Variants in ATP2C2 observed in about 807,000 individuals in gnomAD.
ATP2C2 encodes the protein calcium-transporting ATPase type 2C member 2.
A neutral mutation model predicts 110.8 loss-of-function variants in ATP2C2; 171 were observed. The ratio of observed to expected loss-of-function variants is 1.54; its 90% CI spans 1.36 to 1.75. The LOEUF (loss-of-function observed/expected upper bound fraction) is 1.75. Among genes scored for constraint, ATP2C2 ranks in the 40% most tolerant of loss-of-function variants. ATP2C2 has a pLI of 0.00. For missense variants in ATP2C2, 1,963 were observed against 1,235.0 expected (o/e 1.59, Z -8.84); for synonymous variants, 804 against 508.4 (o/e 1.58, Z -7.82).
chr16:84,410,977 C>G lies in ATP2C2; in HGVS notation c.515+212C>G. 5.1e-6 allele frequency: 3 copies of G among 591,800 alleles called. No homozygotes were observed. The Admixed American group carries it at 8.4e-5, about 17-fold the overall frequency. 36.7% of individuals were successfully genotyped at this position (591,800 alleles called of 1,614,324 possible). A position where few individuals can be genotyped will look rare whatever the true frequency, so the allele number is the denominator to read the frequency against. On this transcript the variant is annotated intron_variant, in intron 6 of 26. Transcript: ENST00000262429. ...CAACCTCTCTGGGCCTCAGCTCCAT[C>G]ATCAGTGTCTAAATCAGGGTGCCTA...
chr16:84,370,495 G>A (rs1265139667), intron 1 of ATP2C2, among the ~76,000 whole-genome samples: 1 of 152,150 alleles, frequency 6.6e-6, no homozygotes, highest in Non-Finnish European at 1.5e-5. Flanking sequence ...GTGTGAGGAG[G>A]GAGGGAGGTG....
chr16:84,421,867 G>C (rs1269651888), intron 7 of ATP2C2, among the ~76,000 whole-genome samples: 1 of 152,182 alleles, frequency 6.6e-6, no homozygotes, highest in African/African-American at 2.4e-5. Flanking sequence ...GCTGCGCACA[G>C]GGCCTGGTGT....
At position 84,432,865 on chromosome 16, in the gene ATP2C2, G is replaced by C. The variant is rs558949913; in HGVS notation, c.987-6301G>C. ...AGCTCTCAAGGGTGCTAACACAGGT[G>C]GTCCAGGGAGCACCCTCTGAGCGTG... is the stretch of plus-strand genomic sequence containing the variant. On this transcript the variant is annotated intron_variant, in intron 11 of 26. Coordinates refer to ENST00000262429, the MANE Select transcript of ATP2C2 (RefSeq NM_014861.4). Among the ~76,000 whole-genome samples the C allele has an allele frequency of 4.9e-4, 74 of 152,202 alleles. 1 individual carries two copies. The highest frequency in any genetic ancestry group is 1.8e-3 in the African/African-American group (73 of 41,524).
intron 11 of ATP2C2, among the ~76,000 whole-genome samples, chr16:84,429,361 T>C (rs936498181): frequency 1.6e-4 from 25 of 152,138 alleles, no homozygotes; most frequent in Non-Finnish European, 5.9e-5. Context: ...CCATGTTGGC[T>C]AGGCTGGTCT....
At chr16:84,459,655 A>G in intron 23 of ATP2C2, 1 of 1,386,122 alleles carries the variant, frequency 7.2e-7, no homozygotes, top group East Asian at 2.5e-5. Context: ...TGCATGGCTC[A>G]TTCTCATGCT....
intron 11 of ATP2C2, among the ~76,000 whole-genome samples, chr16:84,430,800 G>T (rs1466622175): frequency 6.6e-6 from 1 of 151,968 alleles, no homozygotes; most frequent in Non-Finnish European, 1.5e-5. Flanking sequence ...TTACAGATTG[G>T]GAAACAGGCT....
In ATP2C2 at chr16:84,404,964, C is replaced by G. The variant is rs764273216; in HGVS notation, c.211-164C>G. On this transcript the variant is annotated intron_variant, in intron 2 of 26. Transcript: ENST00000262429. Reference sequence around the variant, plus strand: ...TTGTGCCTTTTCCTCCTCTCTCTGCCCCATCTGCACGGGGTCTTTGAACAA... The same window carrying G: ...TTGTGCCTTTTCCTCCTCTCTCTGCGCCATCTGCACGGGGTCTTTGAACAA... 5.5e-6 allele frequency: 4 copies of G among 726,068 alleles called. No homozygotes were observed. In the African/African-American group the frequency reaches 6.9e-5, roughly 13 times the overall value. 45.0% of individuals were successfully genotyped at this position (726,068 alleles called of 1,614,324 possible). A position where few individuals can be genotyped will look rare whatever the true frequency, so the allele number is the denominator to read the frequency against.
intron 7 of ATP2C2, among the ~76,000 whole-genome samples, chr16:84,421,566 C>T (rs1907341491): frequency 1.3e-5 from 2 of 152,086 alleles, no homozygotes; most frequent in Non-Finnish European, 2.9e-5. Context: ...CCCACCCAGC[C>T]CCGCTTTATG....
At chr16:84,447,732 ATTAG>A (rs1469161250) in intron 16 of ATP2C2, among the ~76,000 whole-genome samples, 55 of 146,228 alleles carry the variant, frequency 3.8e-4, no homozygotes, top group East Asian at 2.1e-3. Flanking sequence ...ATAAGAATAT[ATTAG>A]TTATATATAA....
intron 16 of ATP2C2, 141 bp downstream of exon 16, chr16:84,446,571 C>T (rs1271890568): frequency 9.5e-6 from 5 of 526,232 alleles, no homozygotes; most frequent in Non-Finnish European, 9.9e-6. Flanking sequence ...AAAACTTAAT[C>T]ACCATCATAC....
At chr16:84,408,900 C>G (rs376099555) in intron 4 of ATP2C2, among the ~76,000 whole-genome samples, 4 of 152,090 alleles carry the variant, frequency 2.6e-5, no homozygotes, top group South Asian at 2.1e-4. Context: ...AAAATATTGA[C>G]TATTTCACAG....
intron 17 of ATP2C2, among the ~76,000 whole-genome samples, chr16:84,450,343 C>A (rs536313210): frequency 6.6e-6 from 1 of 152,074 alleles, no homozygotes; most frequent in Non-Finnish European, 1.5e-5. Context: ...GGACAGTGCC[C>A]GAGTGACTTA....
At chr16:84,381,166 C>T (rs13331051) in intron 1 of ATP2C2, among the ~76,000 whole-genome samples, 3 of 151,996 alleles carry the variant, frequency 2.0e-5, no homozygotes, top group South Asian at 4.2e-4. Flanking sequence ...GGTGAAGTTA[C>T]GTTTTGCGTG....
At position 84,409,982 on chromosome 16, in the gene ATP2C2, G is replaced by A. The variant is rs149534217; in HGVS notation, c.418-586G>A. On this transcript the variant is annotated intron_variant, in intron 4 of 26. Coordinates refer to ENST00000262429, the MANE Select transcript of ATP2C2 (RefSeq NM_014861.4). ...CCCAGCACTTTGGGAGGCCTGGGGG[G>A]TGGATCACGAGGTCAGGAGATCGAG... is the stretch of plus-strand genomic sequence containing the variant. 3.2e-3 allele frequency among the ~76,000 whole-genome samples: 493 copies of A among 152,254 alleles called. 1 individual carries two copies. The highest frequency in any genetic ancestry group is 0.011 in the African/African-American group (473 of 41,540).
chr16:84,453,421 G>T (rs1349138719), intron 20 of ATP2C2, 50 bp downstream of exon 20: 2 of 1,609,092 alleles, frequency 1.2e-6, no homozygotes, highest in East Asian at 4.5e-5. Flanking sequence ...CCGGGCCAGA[G>T]ACACTGTGGC....
intron 11 of ATP2C2, among the ~76,000 whole-genome samples, chr16:84,434,526 T>C (rs1908571264): frequency 6.6e-6 from 1 of 151,938 alleles, no homozygotes; most frequent in Non-Finnish European, 1.5e-5. Flanking sequence ...TGTTTTGCTT[T>C]TGTTTTTTTG....
intron 11 of ATP2C2, among the ~76,000 whole-genome samples, chr16:84,433,724 G>A (rs1315380611): frequency 3.9e-5 from 6 of 152,008 alleles, no homozygotes; most frequent in Admixed American, 3.9e-4. Flanking sequence ...CAATAATGGT[G>A]CATCCAATCC....
intron 7 of ATP2C2, among the ~76,000 whole-genome samples, chr16:84,419,804 G>T (rs938525687): frequency 6.6e-6 from 1 of 152,154 alleles, no homozygotes; most frequent in African/African-American, 2.4e-5. Context: ...AGCCCAGAGT[G>T]ACAGACTGAC....
chr16:84,448,369 T>C (rs1909949939), intron 16 of ATP2C2, among the ~76,000 whole-genome samples, 164 bp from the exon 17 acceptor site: 1 of 152,198 alleles, frequency 6.6e-6, no homozygotes, highest in East Asian at 1.9e-4. Flanking sequence ...TTCTAGAACT[T>C]CGCGAACCTG....
Sources: allele counts gnomAD v4.1 joint callset (sites outside exome capture counted in the v4.1 genomes callset), GRCh38; gene constraint gnomAD v4.1.1; transcripts MANE v1.5; gene names NCBI Gene and HGNC (gene_info 2026-07-23, HGNC 2026-07-21).